SGMS1: variants seen among roughly 807,000 people sequenced by gnomAD.
SGMS1 encodes sphingomyelin synthase 1, also known as phosphatidylcholine:ceramide cholinephosphotransferase 1.
Under a neutral mutation model 46.2 loss-of-function variants are expected in SGMS1, and 13 were observed. That is an observed-to-expected ratio of 0.28 (90% CI 0.18 to 0.45). The LOEUF is 0.45. Among genes scored for constraint, SGMS1 ranks in the 20% least tolerant of loss-of-function variants. The pLI, the probability that SGMS1 is intolerant of heterozygous loss-of-function variation, is 1.00. For synonymous variants in SGMS1, 203 were observed against 187.8 expected, an observed-to-expected ratio of 1.08 and a Z score of -0.66; for missense variants, 324 against 519.9, an observed-to-expected ratio of 0.62 and a Z score of 3.66.
intron 8 of SGMS1, among the ~76,000 whole-genome samples, chr10:50,319,341 TA>T (rs1330157998): frequency 6.6e-6 from 1 of 152,176 alleles, no homozygotes; most frequent in Non-Finnish European, 1.5e-5. Context: ...AGAAGTCGAA[TA>T]AATTAAAACA....
At chr10:50,510,330 T>C (rs1371460838) in intron 3 of SGMS1, among the ~76,000 whole-genome samples, 1 of 152,226 alleles carries the variant, frequency 6.6e-6, no homozygotes, top group African/African-American at 2.4e-5. Flanking sequence ...CAGTTATGAA[T>C]AAAGCTGTTA....
chr10:50,548,325 A>G (rs931028526), intron 2 of SGMS1, among the ~76,000 whole-genome samples: 2 of 152,234 alleles, frequency 1.3e-5, no homozygotes, highest in African/African-American at 2.4e-5. Flanking sequence ...ACCAGGCTAC[A>G]ATAACCAAAA....
chr10:50,623,511 A>G (rs4268459), intron 1 of SGMS1, 196 bp downstream of exon 1: 1 of 925,390 alleles, frequency 1.1e-6, no homozygotes. Flanking sequence ...CCCCGCTGTG[A>G]CCACCCACGG....
chr10:50,553,672 G>T (rs1838167914), intron 2 of SGMS1, among the ~76,000 whole-genome samples: 1 of 152,076 alleles, frequency 6.6e-6, no homozygotes, highest in African/African-American at 2.4e-5. Context: ...CTGCTTTTAG[G>T]TATCTGACTC....
chr10:50,477,171 G>A (rs1329709111), intron 3 of SGMS1, among the ~76,000 whole-genome samples: 1 of 152,258 alleles, frequency 6.6e-6, no homozygotes, highest in Non-Finnish European at 1.5e-5. Context: ...AGAGCCACAA[G>A]AGTGGAGCTG....
chr10:50,316,631 G>T (rs928128355), intron 8 of SGMS1, among the ~76,000 whole-genome samples: 1 of 152,082 alleles, frequency 6.6e-6, no homozygotes, highest in Admixed American at 6.6e-5. Context: ...CTCCTATTAA[G>T]GTAAATTATT....
intron 3 of SGMS1, among the ~76,000 whole-genome samples, chr10:50,496,139 T>C (rs1419844684): frequency 2.0e-5 from 3 of 152,038 alleles, no homozygotes; most frequent in Non-Finnish European, 4.4e-5. Flanking sequence ...ACCAACCACC[T>C]TTCCTAAATT....
intron 6 of SGMS1, among the ~76,000 whole-genome samples, chr10:50,383,893 G>A (rs1417484413): frequency 6.6e-6 from 1 of 152,160 alleles, no homozygotes; most frequent in Non-Finnish European, 1.5e-5. Context: ...ATAAAGCATA[G>A]CAGTTAATGT....
At chr10:50,534,031 T>A (rs1837978202) in intron 2 of SGMS1, among the ~76,000 whole-genome samples, 1 of 151,828 alleles carries the variant, frequency 6.6e-6, no homozygotes, top group African/African-American at 2.4e-5. Context: ...GGAGAAAAAA[T>A]AAGGAAAGTT....
At chr10:50,369,207 A>G (rs1488914460) in intron 6 of SGMS1, among the ~76,000 whole-genome samples, 1 of 152,238 alleles carries the variant, frequency 6.6e-6, no homozygotes, top group Admixed American at 6.5e-5. Flanking sequence ...ACTTTACACA[A>G]AGATTACAGG....
chr10:50,422,293 G>A (rs1481321391), intron 6 of SGMS1, among the ~76,000 whole-genome samples: 3 of 152,094 alleles, frequency 2.0e-5, no homozygotes, highest in Non-Finnish European at 2.9e-5. Context: ...TGATGCTTAA[G>A]TTATATAACA....
At chr10:50,314,645 A>T (rs531587627) in intron 8 of SGMS1, among the ~76,000 whole-genome samples, 1 of 152,308 alleles carries the variant, frequency 6.6e-6, no homozygotes, top group East Asian at 1.9e-4. Flanking sequence ...ACTAATCACA[A>T]AAGCAACAGG....
intron 2 of SGMS1, among the ~76,000 whole-genome samples, chr10:50,589,072 G>A (rs547666112): frequency 1.1e-3 from 166 of 152,174 alleles, no homozygotes; most frequent in Non-Finnish European, 1.9e-3. Flanking sequence ...AGGTGAGGCT[G>A]GTGATCAGAT....
Position 50,388,405 on chromosome 10 carries a change from G to T in SGMS1, c.-231-44060C>A, listed in dbSNP as rs187767687. Among the ~76,000 whole-genome samples, 8 of 151,204 alleles carry T rather than the reference G, an allele frequency of 5.3e-5. No homozygotes were observed. The East Asian group carries it at 1.6e-3, about 29-fold the overall frequency. On this transcript the variant is annotated intron_variant, in intron 6 of 10. Transcript: ENST00000361781. ...TCCCAGCACTTTGGGAAGAAGAAGT[G>T]GACAGATCACTTGAGGCCAGAAGTT...
intron 2 of SGMS1, among the ~76,000 whole-genome samples, chr10:50,522,872 A>C (rs970499191): frequency 2.0e-5 from 3 of 152,160 alleles, no homozygotes; most frequent in Non-Finnish European, 4.4e-5. Flanking sequence ...GCCTAGTAGC[A>C]GCTGCTCTCT....
intron 6 of SGMS1, among the ~76,000 whole-genome samples, chr10:50,411,634 A>C (rs1485170447): frequency 6.6e-6 from 1 of 152,224 alleles, no homozygotes; most frequent in African/African-American, 2.4e-5. Context: ...GGTCTCAAGA[A>C]TTGTGGTCAC....
chr10:50,323,528 A>T (rs1043798079), intron 8 of SGMS1, among the ~76,000 whole-genome samples: 4 of 152,206 alleles, frequency 2.6e-5, no homozygotes, highest in African/African-American at 9.6e-5. Flanking sequence ...ATCCATATCC[A>T]CAGCTTTAAC....
intron 3 of SGMS1, among the ~76,000 whole-genome samples, chr10:50,506,620 C>T (rs1837709143): frequency 6.6e-6 from 1 of 152,230 alleles, no homozygotes. Flanking sequence ...TGCCCACTCA[C>T]TCCTAAGATC....
chr10:50,572,750 C>T (rs911839803), intron 2 of SGMS1, among the ~76,000 whole-genome samples: 3 of 152,060 alleles, frequency 2.0e-5, no homozygotes, highest in Admixed American at 6.6e-5. Context: ...ATTGTGAGTG[C>T]CTATCAGTTA....
Sources: allele counts gnomAD v4.1 joint callset (sites outside exome capture counted in the v4.1 genomes callset), GRCh38; gene constraint gnomAD v4.1.1; transcripts MANE v1.5; gene names NCBI Gene and HGNC (gene_info 2026-07-23, HGNC 2026-07-21).